The following SERPINA9 variants were observed in gnomAD, a reference collection of about 807,000 sequenced individuals.
The protein encoded by SERPINA9 is serpin family A member 9, also known as serpin A9.
SERPINA9 carries 32 observed loss-of-function variants against 24.5 expected under a neutral mutation model. That is an observed-to-expected ratio of 1.30 (90% confidence interval 0.98 to 1.75). The LOEUF is 1.75. Ranked by LOEUF, SERPINA9 falls within the 40% of genes most tolerant of loss-of-function variation. SERPINA9 has a pLI of 0.00. For synonymous variants in SERPINA9, 233 were observed against 197.7 expected (o/e 1.18, Z -1.50); for missense variants, 594 against 497.1 (o/e 1.19, Z -1.85).
rs182821702 is a variant in SERPINA9 at position 94,468,476 on chromosome 14, A to G, written c.628+737T>C. On this transcript the variant is annotated intron_variant, in intron 2 of 4. Transcript: ENST00000674397. ...TGGAGATGCCAGGCACTTCTATCTCAAGCACAACCTATAAAGTTGGCTTTA... is the reference window on the plus strand; with the variant it reads ...TGGAGATGCCAGGCACTTCTATCTCGAGCACAACCTATAAAGTTGGCTTTA... Among the ~76,000 whole-genome samples the G allele has an allele frequency of 1.1e-3, 169 of 152,294 alleles. 1 individual carries two copies. The highest frequency in any genetic ancestry group is 4.0e-3 in the African/African-American group (166 of 41,554).
intron 2 of SERPINA9, 140 bp from the exon 3 acceptor site, chr14:94,467,522 G>A: frequency 2.8e-6 from 2 of 716,956 alleles, no homozygotes; most frequent in Non-Finnish European, 4.5e-6. Flanking sequence ...ATATTACACA[G>A]CGGAGTAGTT....
intron 1 of SERPINA9, among the ~76,000 whole-genome samples, chr14:94,474,777 C>T (rs560632636): frequency 6.6e-6 from 1 of 152,268 alleles, no homozygotes; most frequent in Non-Finnish European, 1.5e-5. Flanking sequence ...GGACCTCTCC[C>T]TCCCAGCTAC....
intron 1 of SERPINA9, among the ~76,000 whole-genome samples, chr14:94,475,549 C>G (rs1407632068): frequency 2.0e-5 from 3 of 152,150 alleles, no homozygotes; most frequent in African/African-American, 7.2e-5. Flanking sequence ...AGGGCATCCT[C>G]TCTGCCTATC....
In SERPINA9 at chr14:94,463,129, G is replaced by A; in HGVS notation, c.1218C>T (p.Leu406=). The part of the protein sequence containing the change: ...MITNKATDGI[L]FLGKVENPTK... ...TGGGATTTTCCACTTTCCCTAGAAA[G>A]AGAATACCGTCTGTGGCTTTATTTG... Residue 406 remains leucine, a synonymous_variant, in exon 5 of 5, where the codon CTC becomes CTT. Coordinates refer to ENST00000674397, the MANE Select transcript of SERPINA9 (RefSeq NM_175739.4). 1.9e-6 allele frequency: 3 copies of A among 1,614,200 alleles called. No homozygotes were observed. Among genetic ancestry groups the A allele is most frequent in the Non-Finnish European group, 2.5e-6 (3 of 1,180,006 alleles).
chr14:94,469,088 G>T, intron 2 of SERPINA9, 125 bp downstream of exon 2: 1 of 817,758 alleles, frequency 1.2e-6, no homozygotes, highest in Non-Finnish European at 1.9e-6. Flanking sequence ...GCTAATTAGA[G>T]CTCAGGCCCT....
intron 3 of SERPINA9, among the ~76,000 whole-genome samples, chr14:94,465,676 C>T (rs1466637988): frequency 1.3e-5 from 2 of 152,106 alleles, no homozygotes; most frequent in African/African-American, 4.8e-5. Context: ...TACAGGTGTA[C>T]GTGGCCATGC....
At chr14:94,465,332 C>T (rs1208099938) in intron 3 of SERPINA9, among the ~76,000 whole-genome samples, 2 of 152,224 alleles carry the variant, frequency 1.3e-5, no homozygotes, top group Non-Finnish European at 2.9e-5. Flanking sequence ...TGTGTGGCTA[C>T]TGAGCAACTT....
rs753682148 is a variant in SERPINA9, at chr14:94,467,156, G to A, written c.855C>T (p.Ala285=). ...SKGKMRQLEQ[A]LSARTLRKWS... is the part of the protein sequence containing the mutation. ...ACTTTCTCAGTGTTCTGGCTGACAA[G>A]GCCTGTTCCAGTTGCCTCATCTTGC... is the stretch of plus-strand genomic sequence containing the variant. The change falls in exon 3 of 5, where the codon GCC becomes GCT. Residue 285 remains alanine, a synonymous_variant. Coordinates refer to ENST00000674397, the MANE Select transcript of SERPINA9 (RefSeq NM_175739.4). 1.2e-6 allele frequency: 2 copies of A among 1,614,188 alleles called. No individual in the cohort carries two copies. Among genetic ancestry groups the A allele is most frequent in the Admixed American group, 1.7e-5 (1 of 60,024 alleles).
At chr14:94,473,162 C>A (rs1375560529) in intron 1 of SERPINA9, among the ~76,000 whole-genome samples, 1 of 152,208 alleles carries the variant, frequency 6.6e-6, no homozygotes. Context: ...CGGAAAAGTG[C>A]CCAATGTATG....
In SERPINA9 at chr14:94,462,983, C is replaced by A. The variant is rs980829223; in HGVS notation, c.*110G>T. 4 of 930,886 alleles carry A rather than the reference C, an allele frequency of 4.3e-6. No individual in the cohort carries two copies. The South Asian group carries it at 6.0e-5, about 14-fold the overall frequency. The allele number at this position is 930,886 out of a possible 1,614,324, so 57.7% of individuals were successfully genotyped here. The stretch of plus-strand genomic sequence containing the variant: ...GCCTTGGAAGTGGCATCCCTGCCAG[C>A]GAATCCAGCTCCACTGGGGTCAAAT... On this transcript the variant is annotated 3_prime_UTR_variant, in exon 5 of 5. Transcript: ENST00000674397.
chr14:94,473,411 C>A (rs1007287870), intron 1 of SERPINA9, among the ~76,000 whole-genome samples: 2 of 151,604 alleles, frequency 1.3e-5, no homozygotes, highest in Non-Finnish European at 2.9e-5. Flanking sequence ...CCCAGCTACT[C>A]CGGAGGCTGA....
At chr14:94,470,282 A>T (rs1899248731) in intron 1 of SERPINA9, 2 of 862,444 alleles carry the variant, frequency 2.3e-6, no homozygotes, top group Non-Finnish European at 1.4e-6. Context: ...TTCTTTATCC[A>T]TTTTGTGTAG....
At chr14:94,471,812 A>C (rs912027674) in intron 1 of SERPINA9, among the ~76,000 whole-genome samples, 15 of 151,304 alleles carry the variant, frequency 9.9e-5, no homozygotes, top group African/African-American at 3.6e-4. Context: ...GCCACTCTGC[A>C]CTCTTCGGCC....
intron 1 of SERPINA9, among the ~76,000 whole-genome samples, chr14:94,474,970 T>G (rs2139825475): frequency 6.6e-6 from 1 of 152,274 alleles, no homozygotes; most frequent in African/African-American, 2.4e-5. Flanking sequence ...ATTCAAGAGC[T>G]TTATTTATTG....
In SERPINA9 at chr14:94,469,409, C is replaced by T. The variant is rs532253471; in HGVS notation, c.432G>A (p.Leu144=). The T allele has an allele frequency of 1.3e-5, 21 of 1,613,998 alleles. No homozygotes were observed. In the South Asian group the frequency reaches 1.9e-4, roughly 14 times the overall value. ...TGACATTGCCCAAGAAATTTGCCTGCAGCTGCAGCTCCTTCTTGACGAAGA... is the reference window on the plus strand; with the variant it reads ...TGACATTGCCCAAGAAATTTGCCTGTAGCTGCAGCTCCTTCTTGACGAAGA... ...SALFVKKELQ[L]QANFLGNVKR... Residue 144 remains leucine (L), a synonymous_variant, in exon 2 of 5, where the codon CTG becomes CTA. Coordinates refer to ENST00000674397, the MANE Select transcript of SERPINA9 (RefSeq NM_175739.4).
intron 1 of SERPINA9, 26 bp from the exon 2 acceptor site, chr14:94,469,883 G>T: frequency 6.7e-7 from 1 of 1,499,132 alleles, no homozygotes; most frequent in Non-Finnish European, 8.9e-7. Flanking sequence ...GAACCATTGA[G>T]GGGGTAAACT....
At chr14:94,469,980 T>A (rs999029692) in intron 1 of SERPINA9, 123 bp from the exon 2 acceptor site, 19 of 787,678 alleles carry the variant, frequency 2.4e-5, no homozygotes, top group East Asian at 1.1e-4. Context: ...TTAGCAGAGC[T>A]CTCTCACATA....
intron 1 of SERPINA9, 122 bp downstream of exon 1, chr14:94,476,014 G>A (rs1595675554): frequency 2.0e-6 from 3 of 1,471,432 alleles, no homozygotes; most frequent in African/African-American, 1.4e-5. Context: ...AATGTGTCTA[G>A]GTTCTCATCT....
chr14:94,471,890 GCTTTTCC>G (rs149473695), intron 1 of SERPINA9, among the ~76,000 whole-genome samples: 1 of 151,958 alleles, frequency 6.6e-6, no homozygotes, highest in East Asian at 1.9e-4. Context: ...CCATCTCTTT[GCTTTTCC>G]CTTGGTCCAA....
Sources: gnomAD v4.1 joint callset for allele counts (sites outside exome capture counted in the v4.1 genomes callset) on GRCh38, gnomAD v4.1.1 for gene constraint, MANE v1.5 for transcripts, NCBI Gene and HGNC (gene_info 2026-07-23, HGNC 2026-07-21) for gene names.